The following MYO19 variants were observed in gnomAD, a reference collection of about 807,000 sequenced individuals.
MYO19 encodes the protein myosin XIX.
MYO19 carries 132 observed loss-of-function variants against 129.2 expected under a neutral mutation model. The observed-to-expected ratio is 1.02, with a 90% CI of 0.89 to 1.18. The LOEUF (loss-of-function observed/expected upper bound fraction) is 1.18, where lower values mean the gene tolerates loss of function less well. Ranked by LOEUF, MYO19 falls within the 50% of genes most tolerant of loss-of-function variation. MYO19 has a pLI of 0.00. For missense variants in MYO19, 1,210 were observed against 1,216.7 expected (o/e 0.99, Z 0.08); for synonymous variants, 531 against 477.2 (o/e 1.11, Z -1.47).
rs1371949278 is a variant in MYO19, at chr17:36,514,555, C to G, written c.618-7G>C. 1 of 1,588,906 alleles carries G rather than the reference C, an allele frequency of 6.3e-7. No individual in the cohort carries two copies. ...TCCAGTCATTTGCTGAGCCCTGGGACACACACAGGCCAGAGCCCGTTAGTT... is the reference window on the plus strand; with the variant it reads ...TCCAGTCATTTGCTGAGCCCTGGGAGACACACAGGCCAGAGCCCGTTAGTT... On this transcript the variant is annotated splice_polypyrimidine_tract_variant and splice_region_variant and intron_variant, in intron 8 of 25. Coordinates refer to ENST00000614623, the MANE Select transcript of MYO19 (RefSeq NM_001163735.2).
chr17:36,544,441 A>C (rs528437484), upstream of MYO19, among the ~76,000 whole-genome samples: 6 of 151,996 alleles, frequency 3.9e-5, no homozygotes, highest in African/African-American at 1.4e-4. Flanking sequence ...TCACCCCCCG[A>C]TGCTCGTCTC....
intron 6 of MYO19, among the ~76,000 whole-genome samples, chr17:36,523,035 A>C (rs1169706765): frequency 2.6e-5 from 4 of 150,970 alleles, no homozygotes; most frequent in African/African-American, 7.3e-5. Flanking sequence ...AAAAAAAAAA[A>C]ACTTTGCTGA....
intron 11 of MYO19, among the ~76,000 whole-genome samples, chr17:36,512,389 CAAAAAAAAAAA>C: frequency 1.3e-5 from 1 of 77,922 alleles, no homozygotes; most frequent in Non-Finnish European, 2.8e-5. Flanking sequence ...AACTCCATCT[CAAAAAAAAAAA>C]AAAAAAAGAA....
upstream of MYO19, chr17:36,535,031 T>G (rs1430861323): frequency 6.6e-6 from 1 of 152,350 alleles, no homozygotes; most frequent in Non-Finnish European, 1.5e-5. Context: ...GGACGCCTGG[T>G]CCGGCTTGCT....
upstream of MYO19, among the ~76,000 whole-genome samples, chr17:36,544,312 A>T (rs2074222242): frequency 6.6e-6 from 1 of 152,178 alleles, no homozygotes. Context: ...CGGGATCGGG[A>T]TGCAGCTACG....
intron 5 of MYO19, among the ~76,000 whole-genome samples, chr17:36,525,957 A>C (rs944580834): frequency 6.6e-6 from 1 of 152,216 alleles, no homozygotes; most frequent in Non-Finnish European, 1.5e-5. Flanking sequence ...CTCAGGACAG[A>C]CTGCCCCTGG....
At chr17:36,506,416 A>G in intron 18 of MYO19, 40 bp downstream of exon 18, 1 of 1,603,916 alleles carries the variant, frequency 6.2e-7, no homozygotes, top group Non-Finnish European at 8.5e-7. Context: ...GAGACCGTGG[A>G]GTTTGAACCA....
chr17:36,536,578 T>C (rs1039038371), upstream of MYO19, among the ~76,000 whole-genome samples: 4 of 142,620 alleles, frequency 2.8e-5, no homozygotes, highest in Admixed American at 7.8e-5. Context: ...CAGGCTGGAG[T>C]GCAATGGCTC....
At chr17:36,542,555 T>C (rs924848613) in intron 1 of MYO19, among the ~76,000 whole-genome samples, 3 of 151,692 alleles carry the variant, frequency 2.0e-5, no homozygotes, top group African/African-American at 7.3e-5. Context: ...AAAAATTAGC[T>C]GGGCGTGGTG....
intron 18 of MYO19, among the ~76,000 whole-genome samples, chr17:36,506,240 G>A (rs866359076): frequency 1.4e-4 from 22 of 152,228 alleles, no homozygotes; most frequent in Non-Finnish European, 1.5e-4. Context: ...TGCCCCCATA[G>A]GCCCCTAGAC....
rs1238586492 is a variant in MYO19 at position 36,510,809 on chromosome 17, T to C, written c.1094A>G (p.Lys365Arg). Reference sequence around the variant, plus strand: ...GTCACACTCGGCTCGGGCGCAGGGCTTCCGGAACACCTGCTGCTGTCTGCC... The same window carrying C: ...GTCACACTCGGCTCGGGCGCAGGGCCTCCGGAACACCTGCTGCTGTCTGCC... ...RAGRQQQVFRKPCARAECDTR... is the reference protein window; with the variant it reads ...RAGRQQQVFRRPCARAECDTR... Residue 365 changes from lysine to arginine, a missense_variant, in exon 13 of 26, where the codon AAG (lysine) becomes AGG (arginine). By Grantham distance (26) the Lys-to-Arg change is conservative. Coordinates refer to ENST00000614623, the MANE Select transcript of MYO19 (RefSeq NM_001163735.2). The C allele has an allele frequency of 1.3e-6, 2 of 1,599,224 alleles. No homozygotes were observed. The highest frequency in any genetic ancestry group is 1.7e-6 in the Non-Finnish European group (2 of 1,173,128).
chr17:36,510,730 C>T lies in MYO19; in HGVS notation c.1157+16G>A. On this transcript the variant is annotated intron_variant, in intron 13 of 25. Transcript: ENST00000614623. Reference sequence around the variant, plus strand: ...GTCGGGGTCCTCCCCAACAAGGGGCCAGAGTAACTGCTCACCGCGCATAGA... The same window carrying T: ...GTCGGGGTCCTCCCCAACAAGGGGCTAGAGTAACTGCTCACCGCGCATAGA... 1 of 1,581,722 alleles carries T rather than the reference C, an allele frequency of 6.3e-7. No individual in the cohort carries two copies. The highest frequency in any genetic ancestry group is 2.3e-5 in the East Asian group (1 of 43,642).
rs139920788 is a variant in MYO19, at chr17:36,532,618, G to A, written c.-80C>T. ...TATCCACCTAGTCATGGGACCATGGGCTGGGGTATGGTTCCAACAAAGGGC... is the reference window on the plus strand; with the variant it reads ...TATCCACCTAGTCATGGGACCATGGACTGGGGTATGGTTCCAACAAAGGGC... On this transcript the variant is annotated 5_prime_UTR_variant, in exon 3 of 26. Transcript: ENST00000614623. The A allele has an allele frequency of 4.1e-3, 6,194 of 1,501,524 alleles. 16 individuals are homozygous for A. The highest frequency in any genetic ancestry group is 4.9e-3 in the Non-Finnish European group (5,355 of 1,101,736). 93.0% of individuals were successfully genotyped at this position (1,501,524 alleles called of 1,614,324 possible).
intron 3 of MYO19, among the ~76,000 whole-genome samples, chr17:36,528,622 G>A (rs1005588871): frequency 2.0e-5 from 3 of 152,166 alleles, no homozygotes; most frequent in African/African-American, 7.2e-5. Context: ...TGGTATCATA[G>A]TCTGGTTGGG....
At chr17:36,543,883 T>C (rs529267901), upstream of MYO19, among the ~76,000 whole-genome samples, 1 of 152,264 alleles carries the variant, frequency 6.6e-6, no homozygotes, top group South Asian at 2.1e-4. Flanking sequence ...CACCTCGGCC[T>C]CCCAAAGTGC....
intron 3 of MYO19, among the ~76,000 whole-genome samples, chr17:36,529,877 T>C (rs1567792441): frequency 6.6e-6 from 1 of 152,198 alleles, no homozygotes; most frequent in East Asian, 1.9e-4. Context: ...TATACTCTTA[T>C]GTTAATTTCT....
At position 36,527,538 on chromosome 17, in the gene MYO19, G is replaced by C; in HGVS notation, c.300+13C>G. The C allele has an allele frequency of 1.2e-6, 2 of 1,611,726 alleles. No individual in the cohort carries two copies. Among genetic ancestry groups the C allele is most frequent in the Non-Finnish European group, 1.7e-6 (2 of 1,178,836 alleles). ...GAGGAGCCCTGAGGCCACAGGCAGC[G>C]GCAGAGCCTTACCTGGGGCTGAGGC... is the stretch of plus-strand genomic sequence containing the variant. On this transcript the variant is annotated intron_variant, in intron 5 of 25. Transcript: ENST00000614623.
Position 36,496,370 on chromosome 17 carries a change from G to A in MYO19, c.2794C>T (p.Arg932Trp), listed in dbSNP as rs765344804. 55 of 1,613,868 alleles carry A rather than the reference G, an allele frequency of 3.4e-5. No individual in the cohort carries two copies. The highest frequency in any genetic ancestry group is 4.2e-5 in the Non-Finnish European group (49 of 1,179,890). The change falls in exon 26 of 26, where the codon CGG (arginine) becomes TGG (tryptophan). Residue 932 changes from arginine (R) to tryptophan (W), a missense_variant. Physicochemically the swap from Arg to Trp is moderately radical, Grantham distance 101. Transcript: ENST00000614623. ...IKFHCRKSPL[R>W]YADICPEPSP... ...GGTTCAGGGCAGATGTCAGCATACC[G>A]CAGTGGAGACTTTCTGCAGTGAAAC... is the stretch of plus-strand genomic sequence containing the variant.
chr17:36,498,398 C>G lies in MYO19; in HGVS notation c.2625G>C (p.Met875Ile). 1 of 1,614,020 alleles carries G rather than the reference C, an allele frequency of 6.2e-7. No individual in the cohort carries two copies. The highest frequency in any genetic ancestry group is 2.2e-5 in the East Asian group (1 of 44,886). Residue 875 changes from methionine to isoleucine, a missense_variant, in exon 25 of 26, where the codon ATG becomes ATC. By Grantham distance (10) the Met-to-Ile change is conservative (BLOSUM62 1). Coordinates refer to ENST00000614623, the MANE Select transcript of MYO19 (RefSeq NM_001163735.2). The part of the protein sequence containing the change: ...PLGLVLANTA[M>I]GVGSFQRKLV... ...ATTTCCTCTGAAAGCTGCCTACACCCATAGCCGTATTGGCCAGGACCAGTC... is the reference window on the plus strand; with the variant it reads ...ATTTCCTCTGAAAGCTGCCTACACCGATAGCCGTATTGGCCAGGACCAGTC...
Sources: gnomAD v4.1 joint callset for allele counts (sites outside exome capture counted in the v4.1 genomes callset) on GRCh38, gnomAD v4.1.1 for gene constraint, MANE v1.5 for transcripts, NCBI Gene and HGNC (gene_info 2026-07-23, HGNC 2026-07-21) for gene names.